Variants in AGBL4 observed in about 807,000 individuals in gnomAD.
AGBL4 encodes the protein AGBL carboxypeptidase 4.
In AGBL4, 58 loss-of-function variants were observed where a neutral mutation model predicts 66.4. That is an observed-to-expected ratio of 0.87 (90% CI 0.71 to 1.09). The LOEUF (loss-of-function observed/expected upper bound fraction) is 1.09. AGBL4 is among the 50% of genes least tolerant of loss of function. The pLI, the probability that AGBL4 is intolerant of heterozygous loss-of-function variation, is 0.00. For missense variants in AGBL4, 579 were observed against 631.0 expected (o/e 0.92, Z 0.88); for synonymous variants, 234 against 222.9 (o/e 1.05, Z -0.44).
intron 3 of AGBL4, among the ~76,000 whole-genome samples, chr1:49,685,561 T>A (rs934538117): frequency 3.9e-5 from 6 of 152,182 alleles, no homozygotes; most frequent in African/African-American, 1.4e-4. Flanking sequence ...CTTGCCAGCA[T>A]CTGTTATGTT....
At chr1:49,768,335 G>T (rs1643953315) in intron 2 of AGBL4, among the ~76,000 whole-genome samples, 1 of 152,188 alleles carries the variant, frequency 6.6e-6, no homozygotes, top group African/African-American at 2.4e-5. Flanking sequence ...CCATGTTCAA[G>T]TAGGCTTTAT....
chr1:49,163,340 C>T (rs1413454224), intron 4 of AGBL4, among the ~76,000 whole-genome samples: 2 of 152,188 alleles, frequency 1.3e-5, no homozygotes, highest in Non-Finnish European at 2.9e-5. Context: ...ACCATTCTTG[C>T]CTGATTCTGG....
At chr1:49,482,186 A>G (rs975564100) in intron 3 of AGBL4, among the ~76,000 whole-genome samples, 1 of 151,892 alleles carries the variant, frequency 6.6e-6, no homozygotes, top group African/African-American at 2.4e-5. Flanking sequence ...ATTTTTTGAA[A>G]TAGTTTCAGT....
chr1:48,876,438 AGTCAT>A (rs1446983130), intron 5 of AGBL4, among the ~76,000 whole-genome samples: 2 of 152,198 alleles, frequency 1.3e-5, no homozygotes, highest in African/African-American at 4.8e-5. Flanking sequence ...AGGCCGTTCC[AGTCAT>A]GAGTCAGAAG....
chr1:49,094,549 G>T (rs1035149799), intron 4 of AGBL4, among the ~76,000 whole-genome samples: 15 of 152,124 alleles, frequency 9.9e-5, no homozygotes, highest in Non-Finnish European at 2.1e-4. Flanking sequence ...ACTTGATCAT[G>T]GTGGATAAGC....
At position 48,551,527 on chromosome 1, in the gene AGBL4, G is replaced by T. The variant is rs561379367; in HGVS notation, c.1268-11789C>A. ...TCACATTTGTTTCCAGAGTTATTTA[G>T]CATGTTAGGCCTATGAACAAAGGTA... is the stretch of plus-strand genomic sequence containing the variant. On this transcript the variant is annotated intron_variant, in intron 11 of 13. Coordinates refer to ENST00000371839, the MANE Select transcript of AGBL4 (RefSeq NM_032785.4). Among the ~76,000 whole-genome samples, 18 of 152,146 alleles carry T rather than the reference G, an allele frequency of 1.2e-4. No individual in the cohort carries two copies. The South Asian group carries it at 3.7e-3, about 32-fold the overall frequency.
chr1:49,697,463 G>C (rs1372406487), intron 2 of AGBL4, 26 bp from the exon 3 acceptor site: 16 of 1,477,978 alleles, frequency 1.1e-5, no homozygotes, highest in Non-Finnish European at 1.5e-5. Flanking sequence ...AAGAGAATTG[G>C]ATTTTAATAG....
At chr1:49,658,029 C>T (rs938828296) in intron 3 of AGBL4, among the ~76,000 whole-genome samples, 1 of 152,138 alleles carries the variant, frequency 6.6e-6, no homozygotes, top group Admixed American at 6.6e-5. Context: ...AACTAAAGAG[C>T]TTCTGCACAG....
At chr1:49,820,038 C>T (rs1645328193) in intron 2 of AGBL4, among the ~76,000 whole-genome samples, 1 of 152,020 alleles carries the variant, frequency 6.6e-6, no homozygotes, top group African/African-American at 2.4e-5. Context: ...CAATAAAGAC[C>T]CTCATGTCCT....
chr1:49,606,514 T>C (rs999586314), intron 3 of AGBL4, among the ~76,000 whole-genome samples: 1 of 152,028 alleles, frequency 6.6e-6, no homozygotes, highest in Non-Finnish European at 1.5e-5. Context: ...GTACTCAGAG[T>C]GGTCACAGAA....
At position 49,910,788 on chromosome 1, in the gene AGBL4, C is replaced by T. The variant is rs534346061; in HGVS notation, c.35-59270G>A. Among the ~76,000 whole-genome samples the T allele has an allele frequency of 2.3e-4, 35 of 152,246 alleles. 1 individual carries two copies. Among genetic ancestry groups the T allele is most frequent in the African/African-American group, 7.5e-4 (31 of 41,558 alleles). On this transcript the variant is annotated intron_variant, in intron 1 of 13. Coordinates refer to ENST00000371839, the MANE Select transcript of AGBL4 (RefSeq NM_032785.4). Reference sequence around the variant, plus strand: ...CTCAGGGGTTTGAGACCAGCCTAGGCAACACGGTGAAAACCCGTCTTTACT... The same window carrying T: ...CTCAGGGGTTTGAGACCAGCCTAGGTAACACGGTGAAAACCCGTCTTTACT...
chr1:48,866,877 G>A (rs1219425929), intron 6 of AGBL4, among the ~76,000 whole-genome samples: 4 of 152,060 alleles, frequency 2.6e-5, no homozygotes, highest in Non-Finnish European at 5.9e-5. Flanking sequence ...TATTTCTCAG[G>A]GACTGGGAGA....
At chr1:49,632,952 T>C (rs1043216457) in intron 3 of AGBL4, among the ~76,000 whole-genome samples, 23 of 152,078 alleles carry the variant, frequency 1.5e-4, no homozygotes, top group Middle Eastern at 3.2e-3. Flanking sequence ...CGCGTGCCTG[T>C]AGTCCCAGCT....
chr1:49,230,050 C>T (rs374672312), intron 4 of AGBL4, among the ~76,000 whole-genome samples: 1 of 152,180 alleles, frequency 6.6e-6, no homozygotes, highest in African/African-American at 2.4e-5. Flanking sequence ...CCAGGTAGAG[C>T]CTGTCTTCAC....
intron 6 of AGBL4, among the ~76,000 whole-genome samples, chr1:48,745,267 T>C (rs748804090): frequency 5.9e-4 from 90 of 152,154 alleles, no homozygotes; most frequent in Non-Finnish European, 1.1e-3. Context: ...GGTAGAGGCA[T>C]GGACAGGTGG....
At chr1:49,267,283 T>C (rs1278255542) in intron 3 of AGBL4, among the ~76,000 whole-genome samples, 7 of 152,206 alleles carry the variant, frequency 4.6e-5, no homozygotes, top group Admixed American at 4.6e-4. Flanking sequence ...GTAAGATGAC[T>C]GAGATCAGGG....
At chr1:49,914,096 C>T (rs1236762152) in intron 1 of AGBL4, among the ~76,000 whole-genome samples, 1 of 152,196 alleles carries the variant, frequency 6.6e-6, no homozygotes, top group African/African-American at 2.4e-5. Context: ...CCTGGCCACA[C>T]CATTGTTTCA....
At chr1:49,379,096 G>A (rs1389278412) in intron 3 of AGBL4, among the ~76,000 whole-genome samples, 2 of 152,074 alleles carry the variant, frequency 1.3e-5, no homozygotes, top group South Asian at 2.1e-4. Context: ...CTAGTATAGT[G>A]TGGAAGCATC....
chr1:49,513,297 G>A (rs905389478), intron 3 of AGBL4, among the ~76,000 whole-genome samples: 3 of 151,864 alleles, frequency 2.0e-5, no homozygotes, highest in Non-Finnish European at 4.4e-5. Flanking sequence ...TTTTATTTTA[G>A]ATACGGGGGT....
Sources: allele counts gnomAD v4.1 joint callset (sites outside exome capture counted in the v4.1 genomes callset), GRCh38; gene constraint gnomAD v4.1.1; transcripts MANE v1.5; gene names NCBI Gene and HGNC (gene_info 2026-07-23, HGNC 2026-07-21).